BAIAP2L1: variants seen among roughly 807,000 people sequenced by gnomAD.
BAIAP2L1 encodes BAR/IMD domain-containing adapter protein 2-like 1.
BAIAP2L1 carries 35 observed loss-of-function variants against 66.3 expected under a neutral mutation model. That is an observed-to-expected ratio of 0.53 (90% CI 0.40 to 0.70). BAIAP2L1 has a LOEUF of 0.70. BAIAP2L1 is among the 30% of genes least tolerant of loss of function. BAIAP2L1 has a pLI of 0.00. For synonymous variants in BAIAP2L1, 269 were observed against 248.7 expected (o/e 1.08, Z -0.77); for missense variants, 622 against 656.9 (o/e 0.95, Z 0.58).
At chr7:98,342,960 A>AATGAAGGATTAACCTTTATCACGTGTG in intron 3 of BAIAP2L1, among the ~76,000 whole-genome samples, 1 of 151,784 alleles carries the variant, frequency 6.6e-6, no homozygotes, top group Non-Finnish European at 1.5e-5. Flanking sequence ...GTGTACAGGT[A>AATGAAGGATTAACCTTTATCACGTGTG]ATGAAGGATT....
chr7:98,374,775 T>A (rs1389291647), intron 1 of BAIAP2L1, among the ~76,000 whole-genome samples: 1 of 151,842 alleles, frequency 6.6e-6, no homozygotes, highest in Non-Finnish European at 1.5e-5. Context: ...AAAAATAAAA[T>A]AAAATGGAAG....
rs201212873 is a variant in BAIAP2L1, at chr7:98,315,133, AC to A, written c.639+326del. Among the ~76,000 whole-genome samples, 1,268 of 152,084 alleles carry A rather than the reference AC, an allele frequency of 8.3e-3. 17 individuals carry two copies. The highest frequency in any genetic ancestry group is 0.029 in the African/African-American group (1,208 of 41,498). Reference sequence around the variant, plus strand: ...TGTGTGTATATCTCTGTACGTATGGACTGATTGAGACAGGGTCCCGCTCTGT... The same window carrying A: ...TGTGTGTATATCTCTGTACGTATGGATGATTGAGACAGGGTCCCGCTCTGT... On this transcript the variant is annotated intron_variant, in intron 7 of 13. Coordinates refer to ENST00000005260, the MANE Select transcript of BAIAP2L1 (RefSeq NM_018842.5).
At chr7:98,355,785 G>A (rs1802106508) in intron 2 of BAIAP2L1, among the ~76,000 whole-genome samples, 1 of 152,034 alleles carries the variant, frequency 6.6e-6, no homozygotes, top group South Asian at 2.1e-4. Flanking sequence ...TCTTTTCTGA[G>A]CTAGTTCTTC....
At position 98,312,243 on chromosome 7, in the gene BAIAP2L1, T is replaced by C. The variant is rs747660284; in HGVS notation, c.661A>G (p.Lys221Glu). The change falls in exon 8 of 14, where the codon AAG (lysine) becomes GAG (glutamate). Residue 221 changes from lysine (K) to glutamate (E), a missense_variant. Coordinates refer to ENST00000005260, the MANE Select transcript of BAIAP2L1 (RefSeq NM_018842.5). ...CAGGTCTCCTGCCACCGAGGCAGCT[T>C]GGAATTCAGTAGTTCTGCAGACTGC... ...HLQSAELLNSKLPRWQETCVD... is the reference protein window; with the variant it reads ...HLQSAELLNSELPRWQETCVD... 2 of 1,612,468 alleles carry C rather than the reference T, an allele frequency of 1.2e-6. No homozygotes were observed. The highest frequency in any genetic ancestry group is 2.2e-5 in the South Asian group (2 of 90,800).
chr7:98,358,402 C>A (rs184866517), intron 2 of BAIAP2L1, among the ~76,000 whole-genome samples: 10 of 151,886 alleles, frequency 6.6e-5, no homozygotes, highest in African/African-American at 2.4e-4. Flanking sequence ...CTGTTGCCCA[C>A]ACTGGAGTGC....
At chr7:98,308,553 A>G in intron 9 of BAIAP2L1, 1 of 344,452 alleles carries the variant, frequency 2.9e-6, no homozygotes, top group Non-Finnish European at 5.8e-6. Flanking sequence ...GCCAGGAACC[A>G]GCTAGGGCAG....
chr7:98,328,841 T>A (rs920102218), intron 3 of BAIAP2L1, among the ~76,000 whole-genome samples: 1 of 152,218 alleles, frequency 6.6e-6, no homozygotes, highest in Admixed American at 6.5e-5. Flanking sequence ...ACTTTACACA[T>A]ATCCATCTAT....
At chr7:98,335,316 TA>T (rs1801593842) in intron 3 of BAIAP2L1, among the ~76,000 whole-genome samples, 1 of 55,676 alleles carries the variant, frequency 1.8e-5, no homozygotes, top group Non-Finnish European at 5.7e-5. Flanking sequence ...TTACATATCA[TA>T]CCCTGACACT....
intron 1 of BAIAP2L1, among the ~76,000 whole-genome samples, chr7:98,367,038 C>T (rs1213192269): frequency 5.3e-5 from 8 of 151,374 alleles, no homozygotes; most frequent in Admixed American, 2.7e-4. Context: ...AGGTGTGTGC[C>T]ACCATGCCCA....
At chr7:98,356,728 G>A (rs143563166) in intron 2 of BAIAP2L1, among the ~76,000 whole-genome samples, 1 of 148,148 alleles carries the variant, frequency 6.8e-6, no homozygotes, top group Non-Finnish European at 1.5e-5. Flanking sequence ...TGTACTCCTA[G>A]CATTTTGCGA....
chr7:98,362,552 A>G (rs1203454289), intron 1 of BAIAP2L1, 120 bp from the exon 2 acceptor site: 1 of 736,840 alleles, frequency 1.4e-6, no homozygotes, highest in Non-Finnish European at 2.3e-6. Context: ...TCTACAAAGT[A>G]ATGAATGCTG....
intron 5 of BAIAP2L1, 67 bp downstream of exon 5, chr7:98,319,991 C>T (rs551678148): frequency 1.8e-4 from 238 of 1,314,892 alleles, no homozygotes; most frequent in Non-Finnish European, 2.3e-4. Flanking sequence ...ACAGTGGGAA[C>T]GAGTTCTCCC....
intron 1 of BAIAP2L1, among the ~76,000 whole-genome samples, chr7:98,372,771 C>A (rs564364382): frequency 7.6e-6 from 1 of 130,990 alleles, no homozygotes; most frequent in African/African-American, 2.9e-5. Flanking sequence ...CACAGTCTCG[C>A]TCTGTCTCCC....
intron 1 of BAIAP2L1, among the ~76,000 whole-genome samples, chr7:98,392,510 G>T (rs1209481216): frequency 6.6e-6 from 1 of 152,242 alleles, no homozygotes; most frequent in East Asian, 1.9e-4. Context: ...TCCCTTCTGG[G>T]AATGTGGCTT....
chr7:98,399,377 T>A (rs1023464047), intron 1 of BAIAP2L1, among the ~76,000 whole-genome samples: 9 of 152,210 alleles, frequency 5.9e-5, no homozygotes, highest in African/African-American at 2.2e-4. Flanking sequence ...AATGTTCATG[T>A]TCTTCTCTTA....
intron 12 of BAIAP2L1, among the ~76,000 whole-genome samples, 173 bp from the exon 13 acceptor site, chr7:98,294,284 C>T (rs1048316747): frequency 3.3e-5 from 5 of 152,158 alleles, no homozygotes; most frequent in African/African-American, 7.2e-5. Context: ...TGAGCCGCTG[C>T]GACTGGCCTG....
intron 1 of BAIAP2L1, among the ~76,000 whole-genome samples, chr7:98,367,991 T>C (rs1040035918): frequency 5.3e-5 from 8 of 151,980 alleles, no homozygotes; most frequent in Non-Finnish European, 1.0e-4. Context: ...GCAAGTAAAA[T>C]ACGGAACTGT....
At chr7:98,353,999 TAAAATA>T (rs1443484240) in intron 3 of BAIAP2L1, among the ~76,000 whole-genome samples, 16 of 68,828 alleles carry the variant, frequency 2.3e-4, no homozygotes, top group Non-Finnish European at 5.5e-4. Context: ...TAAAATAAAA[TAAAATA>T]AAAAATTAAA....
rs776816733 is a variant in BAIAP2L1, at chr7:98,293,516, T to G, written c.*5A>C. ...AGAGGCCCGGGAGAGTCCTTGGCTG[T>G]CCTCTCATCGAATGATGGGTGCCGA... is the stretch of plus-strand genomic sequence containing the variant. On this transcript the variant is annotated 3_prime_UTR_variant, in exon 14 of 14. Coordinates refer to ENST00000005260, the MANE Select transcript of BAIAP2L1 (RefSeq NM_018842.5). 1.9e-6 allele frequency: 3 copies of G among 1,612,276 alleles called. No homozygotes were observed. Among genetic ancestry groups the G allele is most frequent in the African/African-American group, 1.3e-5 (1 of 74,888 alleles).
Sources: allele counts gnomAD v4.1 joint callset (sites outside exome capture counted in the v4.1 genomes callset), GRCh38; gene constraint gnomAD v4.1.1; transcripts MANE v1.5; gene names NCBI Gene and HGNC (gene_info 2026-07-23, HGNC 2026-07-21).